Variants in PGM5 observed in about 807,000 individuals in gnomAD.
The protein encoded by PGM5 is phosphoglucomutase-like protein 5.
In PGM5, 23 loss-of-function variants were observed where a neutral mutation model predicts 59.2. The observed-to-expected ratio is 0.39, with a 90% CI of 0.28 to 0.55. The LOEUF (loss-of-function observed/expected upper bound fraction) is 0.55, where lower values mean the gene tolerates loss of function less well. Among genes scored for constraint, PGM5 ranks in the 20% least tolerant of loss-of-function variants. The probability of loss-of-function intolerance (pLI) is 0.66; values close to 1 mark genes in which losing one functional copy is unlikely to be tolerated. For synonymous variants in PGM5, 214 were observed against 286.0 expected, an observed-to-expected ratio of 0.75 and a Z score of 2.54; for missense variants, 574 against 748.3, an observed-to-expected ratio of 0.77 and a Z score of 2.72.
At chr9:68,389,439 G>A (rs1822311136) in intron 4 of PGM5, among the ~76,000 whole-genome samples, 1 of 152,000 alleles carries the variant, frequency 6.6e-6, no homozygotes, top group Non-Finnish European at 1.5e-5. Flanking sequence ...CCACTCATCT[G>A]CTTTCTGCCC....
rs188595938 is a variant in PGM5 at position 68,454,263 on chromosome 9, A to G, written c.1044-10830A>G. On this transcript the variant is annotated intron_variant, in intron 6 of 10. Coordinates refer to ENST00000396396, the MANE Select transcript of PGM5 (RefSeq NM_021965.4). ...ACAGATCTGTCCCTGGATTTCAGTA[A>G]TGAATCTAGGGATGGGACGCTGGTA... 1.3e-3 allele frequency among the ~76,000 whole-genome samples: 197 copies of G among 152,256 alleles called. 2 individuals carry two copies. The highest frequency in any genetic ancestry group is 2.8e-4 in the Non-Finnish European group (19 of 68,018).
intron 10 of PGM5, 130 bp downstream of exon 10, chr9:68,499,491 C>A: frequency 1.1e-6 from 1 of 893,946 alleles, no homozygotes; most frequent in Non-Finnish European, 1.7e-6. Flanking sequence ...GGAGGACAAG[C>A]TCAGGGCAAC....
intron 6 of PGM5, among the ~76,000 whole-genome samples, chr9:68,398,914 A>C (rs1822587976): frequency 6.6e-6 from 1 of 152,126 alleles, no homozygotes; most frequent in Non-Finnish European, 1.5e-5. Flanking sequence ...TTGAAGGCTC[A>C]TTTCTTATTA....
intron 6 of PGM5, among the ~76,000 whole-genome samples, chr9:68,431,793 C>A (rs554472165): frequency 6.6e-6 from 1 of 151,862 alleles, no homozygotes; most frequent in South Asian, 2.1e-4. Context: ...AAGGAGGGAG[C>A]TGTCTGAGAG....
At chr9:68,394,586 T>G (rs1422903384) in intron 6 of PGM5, 2 of 151,622 alleles carry the variant, frequency 1.3e-5, no homozygotes, top group African/African-American at 4.8e-5. Flanking sequence ...AGGGAAAATT[T>G]CAGTATGATC....
At chr9:68,359,541 G>C (rs1386498610) in intron 1 of PGM5, among the ~76,000 whole-genome samples, 9 of 152,278 alleles carry the variant, frequency 5.9e-5, no homozygotes, top group African/African-American at 2.2e-4. Context: ...GAGAAAGGTG[G>C]TCTAAAAGAA....
At chr9:68,411,422 T>A (rs181629372) in intron 6 of PGM5, among the ~76,000 whole-genome samples, 54 of 135,434 alleles carry the variant, frequency 4.0e-4, no homozygotes, top group Admixed American at 1.3e-3. Context: ...CACATACATG[T>A]GTGTATATAT....
At chr9:68,374,957 G>A (rs1554677460) in intron 1 of PGM5, among the ~76,000 whole-genome samples, 1 of 151,722 alleles carries the variant, frequency 6.6e-6, no homozygotes, top group Non-Finnish European at 1.5e-5. Context: ...TCTGGCTTGG[G>A]GACTCACATG....
At chr9:68,429,979 A>G (rs531745338) in intron 6 of PGM5, among the ~76,000 whole-genome samples, 52 of 152,356 alleles carry the variant, frequency 3.4e-4, no homozygotes, top group African/African-American at 1.2e-3. Context: ...AAGAAGGAAC[A>G]GTATCTGGGT....
At chr9:68,362,464 AT>A (rs1307112949) in intron 1 of PGM5, among the ~76,000 whole-genome samples, 8 of 152,364 alleles carry the variant, frequency 5.3e-5, no homozygotes, top group African/African-American at 1.9e-4. Flanking sequence ...TCCCAGAAAT[AT>A]TTTAATTCCC....
chr9:68,378,660 A>G (rs560776564), intron 2 of PGM5, among the ~76,000 whole-genome samples: 1 of 152,190 alleles, frequency 6.6e-6, no homozygotes, highest in Non-Finnish European at 1.5e-5. Context: ...CGTTGTCTAA[A>G]TGAAAATGAC....
At chr9:68,459,641 G>C (rs1204045648) in intron 6 of PGM5, among the ~76,000 whole-genome samples, 1 of 152,002 alleles carries the variant, frequency 6.6e-6, no homozygotes, top group East Asian at 1.9e-4. Flanking sequence ...AGTACATTAG[G>C]GCTCCACATC....
chr9:68,507,257 A>G (rs1241412847), intron 10 of PGM5, among the ~76,000 whole-genome samples: 2 of 152,206 alleles, frequency 1.3e-5, no homozygotes, highest in African/African-American at 4.8e-5. Flanking sequence ...GGCTCATTCC[A>G]CTTAGACGAG....
intron 10 of PGM5, among the ~76,000 whole-genome samples, chr9:68,508,673 C>G (rs1011561426): frequency 1.3e-5 from 2 of 152,202 alleles, no homozygotes; most frequent in Non-Finnish European, 2.9e-5. Context: ...TTGCAGCGGT[C>G]ACACAAGTCC....
chr9:68,368,825 TG>T (rs1393708917), intron 1 of PGM5, among the ~76,000 whole-genome samples: 3 of 152,164 alleles, frequency 2.0e-5, no homozygotes, highest in Admixed American at 1.3e-4. Flanking sequence ...CTTATTTTTT[TG>T]TAGAGATGAG....
intron 9 of PGM5, among the ~76,000 whole-genome samples, chr9:68,492,895 G>A (rs899781562): frequency 9.2e-5 from 14 of 152,236 alleles, no homozygotes; most frequent in Non-Finnish European, 1.5e-4. Flanking sequence ...CAGATGTTAC[G>A]AAGCAGTATC....
rs1489922978 is a variant in PGM5, at chr9:68,392,510, G to C, written c.1043+37G>C. ...TGTCACCGTGAAAAACTTTATGGTAGACCTTTGGCGTTGATGTCTCCTTTG... is the reference window on the plus strand; with the variant it reads ...TGTCACCGTGAAAAACTTTATGGTACACCTTTGGCGTTGATGTCTCCTTTG... On this transcript the variant is annotated intron_variant, in intron 6 of 10. Coordinates refer to ENST00000396396, the MANE Select transcript of PGM5 (RefSeq NM_021965.4). 3.1e-6 allele frequency: 5 copies of C among 1,602,976 alleles called. No individual in the cohort carries two copies. The East Asian group carries it at 1.1e-4, about 36-fold the overall frequency.
intron 6 of PGM5, among the ~76,000 whole-genome samples, chr9:68,412,116 G>A (rs1436390537): frequency 2.0e-5 from 3 of 149,400 alleles, no homozygotes; most frequent in East Asian, 1.9e-4. Flanking sequence ...GCTACAGAAT[G>A]CTTTCTCTTT....
At chr9:68,498,510 A>G (rs1824517694) in intron 9 of PGM5, 1 of 152,224 alleles carries the variant, frequency 6.6e-6, no homozygotes, top group Non-Finnish European at 1.5e-5. Context: ...AAAATTGTGT[A>G]CTTCTCAATA....
Sources: allele counts gnomAD v4.1 joint callset (sites outside exome capture counted in the v4.1 genomes callset), GRCh38; gene constraint gnomAD v4.1.1; transcripts MANE v1.5; gene names NCBI Gene and HGNC (gene_info 2026-07-23, HGNC 2026-07-21).